LRMDA: variants seen among roughly 807,000 people sequenced by gnomAD.
The protein encoded by LRMDA is leucine-rich melanocyte differentiation-associated protein.
Under a neutral mutation model 29.8 loss-of-function variants are expected in LRMDA, and 18 were observed. The ratio of observed to expected loss-of-function variants is 0.60; its 90% confidence interval spans 0.42 to 0.90. LRMDA has a LOEUF of 0.90. LRMDA is among the 40% of genes least tolerant of loss of function. The pLI is 0.00. For missense variants in LRMDA, 273 were observed against 273.9 expected (o/e 1.00, Z 0.02); for synonymous variants, 125 against 109.4 (o/e 1.14, Z -0.89).
rs942643889 is a variant in LRMDA at position 76,248,027 on chromosome 10, C to T, written c.517-76374C>T. 4.6e-5 allele frequency among the ~76,000 whole-genome samples: 7 copies of T among 152,120 alleles called. No individual in the cohort carries two copies. In the South Asian group the frequency reaches 6.2e-4, roughly 14 times the overall value. Reference sequence around the variant, plus strand: ...AAGGACACAGGTGTCCATATATGCTCGTGAATCCAGCCGTCTTCATTGGAA... The same window carrying T: ...AAGGACACAGGTGTCCATATATGCTTGTGAATCCAGCCGTCTTCATTGGAA... On this transcript the variant is annotated intron_variant, in intron 5 of 6. Coordinates refer to ENST00000611255, the MANE Select transcript of LRMDA (RefSeq NM_001305581.2).
chr10:75,646,524 C>T lies in LRMDA; in HGVS notation c.131+208030C>T, dbSNP rs116313556. 4.8e-3 allele frequency among the ~76,000 whole-genome samples: 728 copies of T among 152,348 alleles called. 9 individuals are homozygous for T. Among genetic ancestry groups the T allele is most frequent in the African/African-American group, 0.017 (693 of 41,584 alleles). ...TTAGTACAGCTGCTGCATACCTACA[C>T]GCTACCTCTGACACTGACATATTAG... On this transcript the variant is annotated intron_variant, in intron 2 of 6. Transcript: ENST00000611255.
chr10:76,324,942 G>A (rs1157148350), intron 6 of LRMDA, among the ~76,000 whole-genome samples: 5 of 152,134 alleles, frequency 3.3e-5, no homozygotes, highest in Admixed American at 6.5e-5. Context: ...GAAGCCATGT[G>A]CAGTTTTTGC....
At chr10:76,154,848 A>G (rs1015364050) in intron 5 of LRMDA, among the ~76,000 whole-genome samples, 1 of 152,154 alleles carries the variant, frequency 6.6e-6, no homozygotes, top group African/African-American at 2.4e-5. Context: ...TCATTCATGT[A>G]CCATGTTTAT....
intron 2 of LRMDA, among the ~76,000 whole-genome samples, chr10:75,894,135 C>A (rs1402153873): frequency 6.6e-6 from 1 of 152,100 alleles, no homozygotes; most frequent in Non-Finnish European, 1.5e-5. Context: ...ATCACCTGAG[C>A]AGTATACACT....
At chr10:76,246,491 A>G (rs1852379729) in intron 5 of LRMDA, among the ~76,000 whole-genome samples, 2 of 152,186 alleles carry the variant, frequency 1.3e-5, no homozygotes, top group African/African-American at 2.4e-5. Context: ...ATTAGAAGGC[A>G]GATATTTTTG....
intron 5 of LRMDA, among the ~76,000 whole-genome samples, chr10:76,115,406 G>C (rs1849651924): frequency 6.6e-6 from 1 of 152,234 alleles, no homozygotes; most frequent in South Asian, 2.1e-4. Flanking sequence ...AGAGTAGTAA[G>C]GAAGCAGAGT....
At chr10:76,529,593 G>T (rs561583805) in intron 6 of LRMDA, among the ~76,000 whole-genome samples, 23 of 152,236 alleles carry the variant, frequency 1.5e-4, no homozygotes, top group African/African-American at 5.5e-4. Flanking sequence ...AGATTCTGCT[G>T]CAGGTGGCCT....
rs1843575349 is a variant in LRMDA, at chr10:76,557,662, A to AC, written c.*374_*375insC. ...CTCCCTGGACATGCTCAGTGGCTGCAGTCAAGTGAGAAAGACTGTCCTCAG... is the reference window on the plus strand; with the variant it reads ...CTCCCTGGACATGCTCAGTGGCTGCACGTCAAGTGAGAAAGACTGTCCTCAG... On this transcript the variant is annotated 3_prime_UTR_variant, in exon 7 of 7. Coordinates refer to ENST00000611255, the MANE Select transcript of LRMDA (RefSeq NM_001305581.2). 1 of 225,114 alleles carries AC rather than the reference A, an allele frequency of 4.4e-6. No homozygotes were observed. Among genetic ancestry groups the AC allele is most frequent in the Non-Finnish European group, 8.8e-6 (1 of 113,780 alleles). 13.9% of individuals were successfully genotyped at this position (225,114 alleles called of 1,614,324 possible).
rs745408763 is a variant in LRMDA at position 76,558,249 on chromosome 10, T to C, written c.*961T>C. 3 of 152,056 alleles carry C rather than the reference T, an allele frequency of 2.0e-5. No homozygotes were observed. Among genetic ancestry groups the C allele is most frequent in the Non-Finnish European group, 2.9e-5 (2 of 68,020 alleles). The allele number at this position is 152,056 out of a possible 1,614,324, so 9.4% of individuals were successfully genotyped here. On this transcript the variant is annotated 3_prime_UTR_variant, in exon 7 of 7. Coordinates refer to ENST00000611255, the MANE Select transcript of LRMDA (RefSeq NM_001305581.2). ...GGGAGTGAGGTGATGAAAGATAGAG[T>C]GAAGGGTCAGGAGGTTAAAAAACAA...
intron 5 of LRMDA, among the ~76,000 whole-genome samples, chr10:76,074,355 C>T (rs1848923571): frequency 1.3e-5 from 2 of 152,132 alleles, no homozygotes; most frequent in Non-Finnish European, 2.9e-5. Context: ...GGTGACTTAG[C>T]TTTGGAGTGG....
At chr10:75,916,193 T>TGTGTGTGTGTGG (rs72087365) in intron 2 of LRMDA, among the ~76,000 whole-genome samples, 1,738 of 140,078 alleles carry the variant, frequency 0.012, 14 homozygotes, top group South Asian at 0.033. Flanking sequence ...TGTGTGTGTG[T>TGTGTGTGTGTGG]GTGGGTGGGT....
intron 2 of LRMDA, among the ~76,000 whole-genome samples, chr10:75,580,788 T>C (rs746499966): frequency 4.6e-5 from 7 of 152,190 alleles, no homozygotes; most frequent in Non-Finnish European, 8.8e-5. Flanking sequence ...ATCTAGTCTT[T>C]GACAAACCTG....
chr10:75,941,714 A>T (rs772695795), intron 2 of LRMDA, among the ~76,000 whole-genome samples: 33 of 152,114 alleles, frequency 2.2e-4, no homozygotes, highest in Non-Finnish European at 3.1e-4. Context: ...GAAGCCCCCA[A>T]AGCAGCCATG....
chr10:75,735,848 C>T (rs543833272), intron 2 of LRMDA, among the ~76,000 whole-genome samples: 5 of 152,298 alleles, frequency 3.3e-5, no homozygotes, highest in South Asian at 4.2e-4. Context: ...ATTTTATCTA[C>T]GGATCGTGTG....
intron 2 of LRMDA, among the ~76,000 whole-genome samples, chr10:75,921,627 T>G (rs1846026459): frequency 1.3e-5 from 2 of 152,240 alleles, no homozygotes; most frequent in South Asian, 4.1e-4. Context: ...CATGCATGTG[T>G]GCATGTGGGC....
chr10:75,615,627 G>A (rs180743924), intron 2 of LRMDA, among the ~76,000 whole-genome samples: 62 of 152,284 alleles, frequency 4.1e-4, no homozygotes, highest in African/African-American at 1.1e-3. Context: ...GTTGAGTAGA[G>A]TACTTATTCT....
chr10:76,148,411 C>T (rs1392665997), intron 5 of LRMDA, among the ~76,000 whole-genome samples: 6 of 152,174 alleles, frequency 3.9e-5, no homozygotes, highest in African/African-American at 1.4e-4. Context: ...CTCCCCCAAC[C>T]TCGCTGCCGC....
intron 6 of LRMDA, among the ~76,000 whole-genome samples, chr10:76,494,606 A>G (rs974249981): frequency 1.3e-5 from 2 of 151,598 alleles, no homozygotes; most frequent in Non-Finnish European, 3.0e-5. Context: ...TGTTCTCACT[A>G]TTATGGATCT....
At chr10:75,613,050 G>A (rs1000548465) in intron 2 of LRMDA, among the ~76,000 whole-genome samples, 1 of 151,968 alleles carries the variant, frequency 6.6e-6, no homozygotes, top group Non-Finnish European at 1.5e-5. Flanking sequence ...TCCTGGGCAA[G>A]GCTGTCTTCA....
Sources: allele counts gnomAD v4.1 joint callset (sites outside exome capture counted in the v4.1 genomes callset), GRCh38; gene constraint gnomAD v4.1.1; transcripts MANE v1.5; gene names NCBI Gene and HGNC (gene_info 2026-07-23, HGNC 2026-07-21).